The following SLX4IP variants were observed in gnomAD, a reference collection of about 807,000 sequenced individuals.
The protein encoded by SLX4IP is protein SLX4IP.
SLX4IP carries 34 observed loss-of-function variants against 32.9 expected under a neutral mutation model. The observed-to-expected ratio is 1.03, with a 90% CI of 0.79 to 1.38. SLX4IP has a LOEUF of 1.38. SLX4IP is among the 40% of genes most tolerant of loss of function. The pLI is 0.00. For synonymous variants in SLX4IP, 172 were observed against 171.7 expected, an observed-to-expected ratio of 1.00 and a Z score of -0.01; for missense variants, 444 against 479.0, an observed-to-expected ratio of 0.93 and a Z score of 0.68.
Position 10,613,854 on chromosome 20 carries a change from C to G in SLX4IP, c.406-7460C>G, listed in dbSNP as rs546342996. 79 of 1,597,578 alleles carry G rather than the reference C, an allele frequency of 4.9e-5. 1 individual carries two copies. Among genetic ancestry groups the G allele is most frequent in the Non-Finnish European group, 8.6e-7 (1 of 1,165,050 alleles). ...AATATCAGCCAGCTCTTCTTCCAAACCTTTGTATGTCTTTTCAAAAGCTTG... is the reference window on the plus strand; with the variant it reads ...AATATCAGCCAGCTCTTCTTCCAAAGCTTTGTATGTCTTTTCAAAAGCTTG... On this transcript the variant is annotated intron_variant, in intron 6 of 7. Coordinates refer to ENST00000334534, the MANE Select transcript of SLX4IP (RefSeq NM_001009608.3).
rs575812619 is a variant in SLX4IP, at chr20:10,464,654, T to C, written c.27+6423T>C. 2.0e-5 allele frequency among the ~76,000 whole-genome samples: 3 copies of C among 152,298 alleles called. No homozygotes were observed. In the South Asian group the frequency reaches 6.2e-4, roughly 32 times the overall value. ...GCAGGGTTTCAAAGTAACAGAAAAA[T>C]TGATGAACACCAAATAGTTTGACAC... On this transcript the variant is annotated intron_variant, in intron 2 of 7. Transcript: ENST00000334534.
intron 2 of SLX4IP, among the ~76,000 whole-genome samples, chr20:10,461,589 A>G (rs1243965987): frequency 1.3e-5 from 2 of 152,156 alleles, no homozygotes; most frequent in African/African-American, 4.8e-5. Context: ...AATATCTGAC[A>G]TGAAGTTTTG....
chr20:10,573,036 C>T (rs966004577), intron 4 of SLX4IP, among the ~76,000 whole-genome samples: 25 of 152,228 alleles, frequency 1.6e-4, no homozygotes, highest in African/African-American at 6.0e-4. Context: ...TGTTCCTCAA[C>T]TTTCCCCAAC....
intron 2 of SLX4IP, among the ~76,000 whole-genome samples, chr20:10,523,019 T>C (rs1244198927): frequency 6.6e-6 from 1 of 152,256 alleles, no homozygotes; most frequent in East Asian, 1.9e-4. Context: ...CCTCTAAGTC[T>C]CCCGGCCCAC....
At chr20:10,455,861 T>G (rs1472557150) in intron 1 of SLX4IP, among the ~76,000 whole-genome samples, 1 of 152,164 alleles carries the variant, frequency 6.6e-6, no homozygotes, top group Non-Finnish European at 1.5e-5. Flanking sequence ...TTTGCTAGCC[T>G]CGGCCTCCCA....
chr20:10,437,077 GC>G (rs2065121560), intron 1 of SLX4IP, among the ~76,000 whole-genome samples: 1 of 152,004 alleles, frequency 6.6e-6, no homozygotes, highest in South Asian at 2.1e-4. Context: ...GTTTACCAAA[GC>G]TTTTTGTGGC....
chr20:10,607,826 A>G lies in SLX4IP; in HGVS notation c.405+6007A>G, dbSNP rs552167215. 2.6e-5 allele frequency among the ~76,000 whole-genome samples: 4 copies of G among 152,260 alleles called. No individual in the cohort carries two copies. The South Asian group carries it at 8.3e-4, about 32-fold the overall frequency. ...TTAAAAGATTGTCTTTTGCTTGTAT[A>G]TTACAGTAACCTGAGTTCTCTTTTG... is the stretch of plus-strand genomic sequence containing the variant. On this transcript the variant is annotated intron_variant, in intron 6 of 7. Transcript: ENST00000334534.
At chr20:10,472,363 T>C (rs569599962) in intron 2 of SLX4IP, among the ~76,000 whole-genome samples, 98 of 152,154 alleles carry the variant, frequency 6.4e-4, no homozygotes, top group Middle Eastern at 3.4e-3. Context: ...CCCGAGTAGC[T>C]GGGACTACAG....
At position 10,550,389 on chromosome 20, in the gene SLX4IP, A is replaced by AACGG. The variant is rs1284508096; in HGVS notation, c.28-5839_28-5836dup. ...CTGGAAACCCAGTGGGCGTGGTAGAAACGGACCACATGCCTTGGGCCTCAC... is the reference window on the plus strand; with the variant it reads ...CTGGAAACCCAGTGGGCGTGGTAGAAACGGACGGACCACATGCCTTGGGCCTCAC... On this transcript the variant is annotated intron_variant, in intron 2 of 7. Coordinates refer to ENST00000334534, the MANE Select transcript of SLX4IP (RefSeq NM_001009608.3). Among the ~76,000 whole-genome samples the AACGG allele has an allele frequency of 2.0e-5, 3 of 152,204 alleles. No homozygotes were observed. The South Asian group carries it at 6.2e-4, about 32-fold the overall frequency.
chr20:10,568,602 T>C (rs2122511158), intron 4 of SLX4IP, among the ~76,000 whole-genome samples: 1 of 152,342 alleles, frequency 6.6e-6, no homozygotes, highest in Middle Eastern at 3.4e-3. Context: ...TGCTCATGGA[T>C]GTTTCAGGTT....
Position 10,560,840 on chromosome 20 carries a change from AT to A in SLX4IP, c.238+24del. On this transcript the variant is annotated intron_variant, in intron 4 of 7. Transcript: ENST00000334534. ...TAAAAGGTAGGCACAGAGCACTTTG[AT>A]TTTGGACAAAAAATAAATAGAATTT... 1 of 1,544,994 alleles carries A rather than the reference AT, an allele frequency of 6.5e-7. No homozygotes were observed. Among genetic ancestry groups the A allele is most frequent in the Non-Finnish European group, 8.7e-7 (1 of 1,149,658 alleles).
At chr20:10,483,289 C>G (rs2065541234) in intron 2 of SLX4IP, among the ~76,000 whole-genome samples, 1 of 151,980 alleles carries the variant, frequency 6.6e-6, no homozygotes, top group African/African-American at 2.4e-5. Flanking sequence ...CTGACTAGTT[C>G]TTTAGTATTT....
chr20:10,503,543 C>T (rs79964599), intron 2 of SLX4IP, among the ~76,000 whole-genome samples: 1 of 152,232 alleles, frequency 6.6e-6, no homozygotes, highest in South Asian at 2.1e-4. Flanking sequence ...CTCTGAAAGG[C>T]ATCATCTCTG....
chr20:10,450,934 A>G (rs2065236269), intron 1 of SLX4IP, among the ~76,000 whole-genome samples: 1 of 151,694 alleles, frequency 6.6e-6, no homozygotes, highest in Non-Finnish European at 1.5e-5. Context: ...TTGGGTTTTT[A>G]GTAGAGACGG....
chr20:10,519,807 C>G (rs1713085540), intron 2 of SLX4IP, among the ~76,000 whole-genome samples: 1 of 152,208 alleles, frequency 6.6e-6, no homozygotes, highest in African/African-American at 2.4e-5. Context: ...AAACTGTTTT[C>G]AAAGTGACTA....
intron 2 of SLX4IP, among the ~76,000 whole-genome samples, chr20:10,498,635 G>T (rs963096364): frequency 5.3e-5 from 8 of 151,604 alleles, no homozygotes; most frequent in African/African-American, 1.9e-4. Flanking sequence ...GTATCATCTT[G>T]ATGGGAGGTT....
At position 10,529,312 on chromosome 20, in the gene SLX4IP, G is replaced by A. The variant is rs557966770; in HGVS notation, c.28-26919G>A. 2.6e-5 allele frequency among the ~76,000 whole-genome samples: 4 copies of A among 152,190 alleles called. No individual in the cohort carries two copies. The South Asian group carries it at 8.3e-4, about 32-fold the overall frequency. The stretch of plus-strand genomic sequence containing the variant: ...GCATTTTAAAAGTGATTCTGGACCA[G>A]GCGCGGTGGCTCACCCCTGTAATCC... On this transcript the variant is annotated intron_variant, in intron 2 of 7. Coordinates refer to ENST00000334534, the MANE Select transcript of SLX4IP (RefSeq NM_001009608.3).
intron 2 of SLX4IP, among the ~76,000 whole-genome samples, chr20:10,546,489 C>G (rs2066163991): frequency 6.6e-6 from 1 of 152,096 alleles, no homozygotes; most frequent in Non-Finnish European, 1.5e-5. Context: ...ACTAACAGTT[C>G]AGAATTCATT....
At chr20:10,491,354 T>G (rs1205667891) in intron 2 of SLX4IP, among the ~76,000 whole-genome samples, 1 of 152,192 alleles carries the variant, frequency 6.6e-6, no homozygotes, top group Non-Finnish European at 1.5e-5. Flanking sequence ...ATTCTTACTT[T>G]GTGCAGCCAA....
Sources: allele counts gnomAD v4.1 joint callset (sites outside exome capture counted in the v4.1 genomes callset), GRCh38; gene constraint gnomAD v4.1.1; transcripts MANE v1.5; gene names NCBI Gene and HGNC (gene_info 2026-07-23, HGNC 2026-07-21).